The following RSRP1 variants were observed in gnomAD, a reference collection of about 807,000 sequenced individuals.
The protein encoded by RSRP1 is arginine/serine-rich protein 1.
A neutral mutation model predicts 33.0 loss-of-function variants in RSRP1; 37 were observed. The observed-to-expected ratio is 1.12, with a 90% CI of 0.86 to 1.48. RSRP1 has a LOEUF of 1.48. Among genes scored for constraint, RSRP1 ranks in the 40% most tolerant of loss-of-function variants. The pLI, the probability that RSRP1 is intolerant of heterozygous loss-of-function variation, is 0.00. For synonymous variants in RSRP1, 167 were observed against 158.7 expected (o/e 1.05, Z -0.40); for missense variants, 402 against 385.3 (o/e 1.04, Z -0.36).
chr1:25,285,134 A>ATTTTTTTTTT (rs869147845), intron 1 of RSRP1, among the ~76,000 whole-genome samples: 1 of 120,754 alleles, frequency 8.3e-6, no homozygotes, highest in African/African-American at 3.0e-5. Context: ...GAGACATTCT[A>ATTTTTTTTTT]TTTTTTTTTT....
At chr1:25,255,572 G>A (rs893975414) in intron 1 of RSRP1, among the ~76,000 whole-genome samples, 1 of 152,152 alleles carries the variant, frequency 6.6e-6, no homozygotes, top group Non-Finnish European at 1.5e-5. Context: ...TTCCACAGCT[G>A]GGGGTGGGGG....
chr1:25,292,355 G>T lies in RSRP1; in HGVS notation c.-66-45326C>A, dbSNP rs1264227316. On this transcript the variant is annotated intron_variant, in intron 1 of 1. Transcript: ENST00000561867. Reference sequence around the variant, plus strand: ...ACTGAAGGGGCAAGAGAGGAAGCAGGTGGAGACCAGAGCGGCAGTGATTGC... The same window carrying T: ...ACTGAAGGGGCAAGAGAGGAAGCAGTTGGAGACCAGAGCGGCAGTGATTGC... Among the ~76,000 whole-genome samples, 120 of 132,774 alleles carry T rather than the reference G, an allele frequency of 9.0e-4. 31 individuals carry two copies. Among genetic ancestry groups the T allele is most frequent in the Non-Finnish European group, 1.9e-3 (109 of 55,930 alleles). 87.1% of individuals were successfully genotyped at this position (132,774 alleles called of 152,430 possible).
In RSRP1 at chr1:25,314,566, C is replaced by T. The variant is rs555391208; in HGVS notation, c.-67+23412G>A. Among the ~76,000 whole-genome samples, 5 of 132,822 alleles carry T rather than the reference C, an allele frequency of 3.8e-5. 1 individual carries two copies. The highest frequency in any genetic ancestry group is 4.6e-4 in the South Asian group (2 of 4,332). The allele number at this position is 132,822 out of a possible 152,430, so 87.1% of individuals were successfully genotyped here. On this transcript the variant is annotated intron_variant, in intron 1 of 1. Coordinates refer to the RSRP1 transcript ENST00000561867. ...TGGAATGCAGTGGCGCTATCTCAGC[C>T]CACTACAACCTCTGCCTCCCAGCTT...
intron 1 of RSRP1, chr1:25,330,500 A>C (rs1644980364): frequency 7.5e-6 from 1 of 133,308 alleles, no homozygotes; most frequent in South Asian, 2.3e-4. Context: ...ACTGTGAATT[A>C]ATTTTTCTAG....
chr1:25,329,254 T>TTTC, intron 1 of RSRP1: 1 of 653,096 alleles, frequency 1.5e-6, no homozygotes, highest in Admixed American at 3.3e-5. Context: ...TTTTTTTTTT[T>TTTC]TTTTTTTTGA....
chr1:25,313,110 T>G (rs941701613), intron 1 of RSRP1, among the ~76,000 whole-genome samples: 1 of 126,276 alleles, frequency 7.9e-6, no homozygotes, highest in African/African-American at 2.7e-5. Flanking sequence ...GTGAAGCCTT[T>G]GGGAGGTAAC....
chr1:25,259,576 C>T (rs1160243544), intron 1 of RSRP1, among the ~76,000 whole-genome samples: 2 of 152,020 alleles, frequency 1.3e-5, no homozygotes, highest in South Asian at 2.1e-4. Context: ...AATCTCAGCT[C>T]GCCGCAACCT....
rs1213632969 is a variant in RSRP1 at position 25,335,734 on chromosome 1, G to A, written c.-67+2244C>T. ...CACTGAAGTGATAGCCTGGAGGTTT[G>A]TGTGTGCACATGCATGTGTATGTGT... On this transcript the variant is annotated intron_variant, in intron 1 of 1. Transcript: ENST00000561867. 9.7e-5 allele frequency: 6 copies of A among 61,608 alleles called. 1 individual carries two copies. The highest frequency in any genetic ancestry group is 2.4e-4 in the Non-Finnish European group (6 of 25,236). 3.8% of individuals were successfully genotyped at this position (61,608 alleles called of 1,614,324 possible).
chr1:25,309,089 C>G lies in RSRP1; in HGVS notation c.-67+28889G>C. Among the ~76,000 whole-genome samples the G allele has an allele frequency of 1.5e-5, 2 of 131,618 alleles. 1 individual carries two copies. Among genetic ancestry groups the G allele is most frequent in the Non-Finnish European group, 3.6e-5 (2 of 55,848 alleles). 86.3% of individuals were successfully genotyped at this position (131,618 alleles called of 152,430 possible). On this transcript the variant is annotated intron_variant, in intron 1 of 1. Transcript: ENST00000561867. The stretch of plus-strand genomic sequence containing the variant: ...ACACTTAATGGGAACTGTGGATTAG[C>G]TACTTGGTGGCATTGGGCAAGTCAG...
In RSRP1 at chr1:25,312,947, A is replaced by AAAAAAAAAC. The variant is rs1351546371; in HGVS notation, c.-67+25022_-67+25030dup. Among the ~76,000 whole-genome samples the AAAAAAAAAC allele has an allele frequency of 5.9e-4, 65 of 110,252 alleles. 15 individuals are homozygous for AAAAAAAAAC. The highest frequency in any genetic ancestry group is 1.2e-3 in the Non-Finnish European group (56 of 46,112). 72.3% of individuals were successfully genotyped at this position (110,252 alleles called of 152,430 possible). A position where few individuals can be genotyped will look rare whatever the true frequency, so the allele number is the denominator to read the frequency against. On this transcript the variant is annotated intron_variant, in intron 1 of 1. Transcript: ENST00000561867. ...AAAAAAAAAAAAAAAAAAAAAAAAA[A>AAAAAAAAAC]AAAAAAAACTTTAGTGCTATTGGAA...
intron 1 of RSRP1, among the ~76,000 whole-genome samples, chr1:25,254,303 C>A (rs1639881836): frequency 6.6e-6 from 1 of 152,044 alleles, no homozygotes; most frequent in Non-Finnish European, 1.5e-5. Flanking sequence ...CAGGAGGCAC[C>A]CTTGATAAAT....
chr1:25,316,776 TA>T (rs1644464057), intron 1 of RSRP1, among the ~76,000 whole-genome samples: 1 of 98,198 alleles, frequency 1.0e-5, no homozygotes, highest in Non-Finnish European at 2.5e-5. Context: ...TGCTGGGAAC[TA>T]AAATAAGCCA....
At chr1:25,319,303 T>A (rs1644575386) in intron 1 of RSRP1, among the ~76,000 whole-genome samples, 1 of 132,538 alleles carries the variant, frequency 7.5e-6, no homozygotes, top group Admixed American at 7.4e-5. Context: ...TCTTTACATG[T>A]TGTTTTTGAC....
At chr1:25,314,964 G>A (rs1488065561) in intron 1 of RSRP1, among the ~76,000 whole-genome samples, 1 of 130,270 alleles carries the variant, frequency 7.7e-6, no homozygotes, top group African/African-American at 2.6e-5. Flanking sequence ...CAGCACTTTG[G>A]GAGGCTGAGG....
chr1:25,280,297 C>T lies in RSRP1; in HGVS notation c.-66-33268G>A, dbSNP rs1409373752. On this transcript the variant is annotated intron_variant, in intron 1 of 1. Coordinates refer to the RSRP1 transcript ENST00000561867. ...AAAGCCCCCACCCAGGATCCTCTGA[C>T]TTCCTCATCTCTTTTTTTTTTTTTT... 3.2e-5 allele frequency among the ~76,000 whole-genome samples: 4 copies of T among 123,904 alleles called. 1 individual carries two copies. Among genetic ancestry groups the T allele is most frequent in the Admixed American group, 3.1e-4 (4 of 12,784 alleles). The allele number at this position is 123,904 out of a possible 152,430, so 81.3% of individuals were successfully genotyped here.
intron 2 of RSRP1, 67 bp from the exon 3 acceptor site, chr1:25,245,368 G>A (rs1222366720): frequency 8.7e-6 from 13 of 1,497,720 alleles, no homozygotes; most frequent in Middle Eastern, 1.8e-4. Context: ...AGAGAACTCA[G>A]AATTACACAA....
chr1:25,279,911 G>A (rs1641325147), intron 1 of RSRP1, among the ~76,000 whole-genome samples: 1 of 129,078 alleles, frequency 7.7e-6, no homozygotes, highest in Non-Finnish European at 1.8e-5. Flanking sequence ...AGCAGCTGAT[G>A]TGAGTGCAGA....
In RSRP1 at chr1:25,296,316, G is replaced by A. The variant is rs182735391; in HGVS notation, c.-67+41662C>T. ...GGCTGGAGTGCGGTGGTGTGATCTC[G>A]GCTCACTGCAACCTCCGCCTCCTGG... is the stretch of plus-strand genomic sequence containing the variant. On this transcript the variant is annotated intron_variant, in intron 1 of 1. Coordinates refer to the RSRP1 transcript ENST00000561867. 1.8e-4 allele frequency among the ~76,000 whole-genome samples: 23 copies of A among 124,374 alleles called. 1 individual carries two copies. Among genetic ancestry groups the A allele is most frequent in the African/African-American group, 6.0e-4 (22 of 36,538 alleles). 81.6% of individuals were successfully genotyped at this position (124,374 alleles called of 152,430 possible). A position where few individuals can be genotyped will look rare whatever the true frequency, so the allele number is the denominator to read the frequency against.
chr1:25,280,582 A>C lies in RSRP1; in HGVS notation c.-66-33553T>G, dbSNP rs566939284. Among the ~76,000 whole-genome samples, 95 of 123,094 alleles carry C rather than the reference A, an allele frequency of 7.7e-4. 11 individuals are homozygous for C. Among genetic ancestry groups the C allele is most frequent in the African/African-American group, 2.5e-3 (91 of 36,484 alleles). 80.8% of individuals were successfully genotyped at this position (123,094 alleles called of 152,430 possible). A position where few individuals can be genotyped will look rare whatever the true frequency, so the allele number is the denominator to read the frequency against. On this transcript the variant is annotated intron_variant, in intron 1 of 1. Coordinates refer to the RSRP1 transcript ENST00000561867. The stretch of plus-strand genomic sequence containing the variant: ...CAGCCTCCCAAAGTGCTAGGATTAC[A>C]GACATAAGCCACTGTGCCTGGCCTT...
Sources: allele counts gnomAD v4.1 joint callset (sites outside exome capture counted in the v4.1 genomes callset), GRCh38; gene constraint gnomAD v4.1.1; transcripts MANE v1.5; gene names NCBI Gene and HGNC (gene_info 2026-07-23, HGNC 2026-07-21).